MAGI2: variants seen among roughly 807,000 people sequenced by gnomAD.
MAGI2 encodes membrane associated guanylate kinase, WW and PDZ domain containing 2.
In MAGI2, 35 loss-of-function variants were observed where a neutral mutation model predicts 133.3. The ratio of observed to expected loss-of-function variants is 0.26; its 90% CI spans 0.20 to 0.35. MAGI2 has a LOEUF of 0.35. MAGI2 is among the 10% of genes least tolerant of loss of function. MAGI2 has a pLI of 1.00. For synonymous variants in MAGI2, 729 were observed against 710.6 expected, an observed-to-expected ratio of 1.03 and a Z score of -0.41; for missense variants, 1,636 against 1,863.4, an observed-to-expected ratio of 0.88 and a Z score of 2.25.
At chr7:78,911,101 T>C (rs928574924) in intron 2 of MAGI2, among the ~76,000 whole-genome samples, 2 of 152,220 alleles carry the variant, frequency 1.3e-5, no homozygotes, top group African/African-American at 2.4e-5. Context: ...CTTTTTACTT[T>C]TAGAATTAGT....
At chr7:78,511,551 ATTTTTTTTT>A (rs760565213) in intron 4 of MAGI2, among the ~76,000 whole-genome samples, 1 of 127,900 alleles carries the variant, frequency 7.8e-6, no homozygotes, top group African/African-American at 3.1e-5. Context: ...ATATATATAA[ATTTTTTTTT>A]TTTTTTTTTT....
intron 1 of MAGI2, among the ~76,000 whole-genome samples, chr7:79,073,148 T>G (rs1014472878): frequency 6.6e-6 from 1 of 152,292 alleles, no homozygotes; most frequent in Non-Finnish European, 1.5e-5. Flanking sequence ...CTTCAAGAAT[T>G]AAACCCTTGG....
intron 1 of MAGI2, among the ~76,000 whole-genome samples, chr7:79,088,930 A>G (rs1232203313): frequency 2.6e-5 from 4 of 152,252 alleles, no homozygotes; most frequent in Admixed American, 6.6e-5. Context: ...AATGGCAACA[A>G]AAGCCAAAGT....
chr7:78,059,000 T>C (rs796284430), intron 21 of MAGI2, among the ~76,000 whole-genome samples: 12 of 152,330 alleles, frequency 7.9e-5, no homozygotes, highest in South Asian at 6.2e-4. Flanking sequence ...TTTTATTGAT[T>C]CTTCTTTCAA....
chr7:78,283,967 AT>A (rs1270002109), intron 9 of MAGI2, among the ~76,000 whole-genome samples: 7 of 152,226 alleles, frequency 4.6e-5, no homozygotes, highest in Admixed American at 4.6e-4. Context: ...AGGAGTAATT[AT>A]TTTTCATTTT....
intron 1 of MAGI2, among the ~76,000 whole-genome samples, chr7:79,036,527 C>T (rs779939362): frequency 1.3e-5 from 2 of 152,166 alleles, no homozygotes; most frequent in Non-Finnish European, 2.9e-5. Context: ...ATAATTTTAG[C>T]TTTGTCTCCT....
chr7:78,741,871 CATAG>C (rs1165590559), intron 2 of MAGI2, among the ~76,000 whole-genome samples: 1 of 151,990 alleles, frequency 6.6e-6, no homozygotes, highest in Admixed American at 6.5e-5. Flanking sequence ...AACTATCATC[CATAG>C]ATAATCTGTT....
rs554799872 is a variant in MAGI2, at chr7:78,861,789, C to T, written c.418+145301G>A. On this transcript the variant is annotated intron_variant, in intron 2 of 21. Coordinates refer to ENST00000354212, the MANE Select transcript of MAGI2 (RefSeq NM_012301.4). ...ATGATTGGAATTATTGTGGCTACCA[C>T]GATAAACTTGTTCTTAATGATTAAA... 1.1e-3 allele frequency among the ~76,000 whole-genome samples: 168 copies of T among 152,286 alleles called. 2 individuals are homozygous for T. The highest frequency in any genetic ancestry group is 4.1e-4 in the South Asian group (2 of 4,826).
At chr7:79,291,839 CA>C (rs1216949045) in intron 1 of MAGI2, among the ~76,000 whole-genome samples, 1 of 152,074 alleles carries the variant, frequency 6.6e-6, no homozygotes, top group African/African-American at 2.4e-5. Context: ...ATACAATTTG[CA>C]AATATTTTCA....
At chr7:78,271,546 T>C (rs1794583784) in intron 9 of MAGI2, among the ~76,000 whole-genome samples, 1 of 152,230 alleles carries the variant, frequency 6.6e-6, no homozygotes, top group African/African-American at 2.4e-5. Context: ...ATCCTCTTTG[T>C]AGCTCTGGTA....
At chr7:78,054,552 T>C (rs1812354871) in intron 21 of MAGI2, among the ~76,000 whole-genome samples, 1 of 152,024 alleles carries the variant, frequency 6.6e-6, no homozygotes, top group South Asian at 2.1e-4. Context: ...TATATTCTTA[T>C]GTAACGATTA....
rs1249502643 is a variant in MAGI2, at chr7:78,826,215, G to T, written c.418+180875C>A. Among the ~76,000 whole-genome samples, 4 of 151,936 alleles carry T rather than the reference G, an allele frequency of 2.6e-5. No homozygotes were observed. The East Asian group carries it at 5.8e-4, about 22-fold the overall frequency. Reference sequence around the variant, plus strand: ...AAAATACAAAAAAAATTAGCCAGGTGTGGTGGCAGGCGCCTGTAGTCCCAG... The same window carrying T: ...AAAATACAAAAAAAATTAGCCAGGTTTGGTGGCAGGCGCCTGTAGTCCCAG... On this transcript the variant is annotated intron_variant, in intron 2 of 21. Transcript: ENST00000354212.
intron 6 of MAGI2, among the ~76,000 whole-genome samples, chr7:78,377,191 A>G (rs1177974946): frequency 6.6e-6 from 1 of 152,100 alleles, no homozygotes; most frequent in Non-Finnish European, 1.5e-5. Context: ...AAAGCCACCC[A>G]TAACCTACAC....
At chr7:78,648,051 C>A (rs951686867) in intron 2 of MAGI2, among the ~76,000 whole-genome samples, 1 of 152,120 alleles carries the variant, frequency 6.6e-6, no homozygotes, top group Admixed American at 6.5e-5. Flanking sequence ...ATGTAAATGA[C>A]AAGTTGACAT....
chr7:78,543,643 C>T (rs547103621), intron 3 of MAGI2, among the ~76,000 whole-genome samples: 3 of 152,278 alleles, frequency 2.0e-5, no homozygotes, highest in Admixed American at 2.0e-4. Flanking sequence ...AAGGTCTGGC[C>T]TGCCATTTCC....
intron 3 of MAGI2, among the ~76,000 whole-genome samples, chr7:78,562,642 G>A (rs955713258): frequency 3.3e-5 from 5 of 152,124 alleles, no homozygotes; most frequent in Admixed American, 6.5e-5. Flanking sequence ...GTTGAGTGGA[G>A]TGAAATATAC....
At chr7:78,542,856 C>T (rs1798525819) in intron 3 of MAGI2, among the ~76,000 whole-genome samples, 1 of 152,132 alleles carries the variant, frequency 6.6e-6, no homozygotes, top group Admixed American at 6.5e-5. Flanking sequence ...AAAATGACTT[C>T]CTTCTTGTTA....
intron 9 of MAGI2, among the ~76,000 whole-genome samples, chr7:78,281,019 C>T (rs1795517140): frequency 6.6e-6 from 1 of 152,032 alleles, no homozygotes; most frequent in East Asian, 1.9e-4. Context: ...CTTTTACCTG[C>T]TATCCTTCAA....
chr7:78,398,591 T>A (rs1011079842), intron 6 of MAGI2, among the ~76,000 whole-genome samples: 1 of 152,152 alleles, frequency 6.6e-6, no homozygotes, highest in Non-Finnish European at 1.5e-5. Context: ...TTTGCCCTTT[T>A]GAGATATAAA....
Sources: gnomAD v4.1 joint callset for allele counts (sites outside exome capture counted in the v4.1 genomes callset) on GRCh38, gnomAD v4.1.1 for gene constraint, MANE v1.5 for transcripts, NCBI Gene and HGNC (gene_info 2026-07-23, HGNC 2026-07-21) for gene names.